The following NECTIN3 variants were observed in gnomAD, a reference collection of about 807,000 sequenced individuals.
NECTIN3 encodes nectin-3.
A neutral mutation model predicts 49.4 loss-of-function variants in NECTIN3; 8 were observed. That is an observed-to-expected ratio of 0.16 (90% CI 0.10 to 0.29). The LOEUF (loss-of-function observed/expected upper bound fraction) is 0.29, where lower values mean the gene tolerates loss of function less well. NECTIN3 is among the 10% of genes least tolerant of loss of function. NECTIN3 has a pLI of 1.00. For synonymous variants in NECTIN3, 277 were observed against 241.1 expected (o/e 1.15, Z -1.38); for missense variants, 581 against 654.6 (o/e 0.89, Z 1.23).
chr3:111,154,330 C>T (rs2035057274), intron 7 of NECTIN3, among the ~76,000 whole-genome samples: 1 of 152,120 alleles, frequency 6.6e-6, no homozygotes, highest in Non-Finnish European at 1.5e-5. Context: ...GAGATTCATT[C>T]ATGTTGTGTT....
intron 3 of NECTIN3, among the ~76,000 whole-genome samples, chr3:111,121,419 T>C (rs1486109972): frequency 3.9e-5 from 6 of 152,194 alleles, no homozygotes; most frequent in Non-Finnish European, 8.8e-5. Flanking sequence ...TGGAAGTATA[T>C]ATTTATATTG....
chr3:111,136,971 T>C lies in NECTIN3; in HGVS notation c.*2756T>C, dbSNP rs1443064621. 3 of 976,956 alleles carry C rather than the reference T, an allele frequency of 3.1e-6. No homozygotes were observed. In the African/African-American group the frequency reaches 5.3e-5, roughly 17 times the overall value. 60.5% of individuals were successfully genotyped at this position (976,956 alleles called of 1,614,324 possible). A position where few individuals can be genotyped will look rare whatever the true frequency, so the allele number is the denominator to read the frequency against. ...GCCTAGTAGGGTTCTATTTGCTAACTCTAATATTGAGGAAACTATTAAGGT... is the reference window on the plus strand; with the variant it reads ...GCCTAGTAGGGTTCTATTTGCTAACCCTAATATTGAGGAAACTATTAAGGT... On this transcript the variant is annotated 3_prime_UTR_variant, in exon 6 of 6. Coordinates refer to ENST00000485303, the MANE Select transcript of NECTIN3 (RefSeq NM_015480.3).
At position 111,135,245 on chromosome 3, in the gene NECTIN3, A is replaced by C; in HGVS notation, c.*1030A>C. 1 of 969,624 alleles carries C rather than the reference A, an allele frequency of 1.0e-6. No homozygotes were observed. Among genetic ancestry groups the C allele is most frequent in the Non-Finnish European group, 1.2e-6 (1 of 815,888 alleles). The allele number at this position is 969,624 out of a possible 1,614,324, so 60.1% of individuals were successfully genotyped here. On this transcript the variant is annotated 3_prime_UTR_variant, in exon 6 of 6. Coordinates refer to ENST00000485303, the MANE Select transcript of NECTIN3 (RefSeq NM_015480.3). ...TTTTAGAGTAAACTTGGAACTTTGG[A>C]TATAACTAGAAAAAACTAGATTATA... is the stretch of plus-strand genomic sequence containing the variant.
At chr3:111,193,532 C>A in intron 1 of NECTIN3, 1 of 874,412 alleles carries the variant, frequency 1.1e-6, no homozygotes, top group Non-Finnish European at 1.7e-6. Context: ...AAGCCAATAG[C>A]AAATTTCTTT....
intron 7 of NECTIN3, among the ~76,000 whole-genome samples, chr3:111,151,595 G>A (rs2107513108): frequency 6.6e-6 from 1 of 151,870 alleles, no homozygotes; most frequent in Middle Eastern, 3.4e-3. Context: ...TAGCCTTTTA[G>A]CATAAGAAAA....
At chr3:111,129,308 A>G (rs1351775666) in intron 5 of NECTIN3, among the ~76,000 whole-genome samples, 1 of 152,068 alleles carries the variant, frequency 6.6e-6, no homozygotes, top group Non-Finnish European at 1.5e-5. Flanking sequence ...ACGTATTGCC[A>G]TGTAACCCCA....
chr3:111,147,624 A>T (rs116624035), intron 7 of NECTIN3: 1,125 of 741,484 alleles, frequency 1.5e-3, no homozygotes, highest in Non-Finnish European at 2.2e-3. Context: ...AATGTTGTTT[A>T]GTCATTATGC....
Position 111,136,546 on chromosome 3 carries a change from A to C in NECTIN3, c.*2331A>C, listed in dbSNP as rs2034582223. ...TGTTGTTTATTAGAACTTTATGTATATTTACTGTACATAGAGACTTGTTTG... is the reference window on the plus strand; with the variant it reads ...TGTTGTTTATTAGAACTTTATGTATCTTTACTGTACATAGAGACTTGTTTG... On this transcript the variant is annotated 3_prime_UTR_variant, in exon 6 of 6. Coordinates refer to ENST00000485303, the MANE Select transcript of NECTIN3 (RefSeq NM_015480.3). The C allele has an allele frequency of 1.0e-6, 1 of 957,586 alleles. No homozygotes were observed. Among genetic ancestry groups the C allele is most frequent in the East Asian group, 1.2e-4 (1 of 8,674 alleles). The allele number at this position is 957,586 out of a possible 1,614,324, so 59.3% of individuals were successfully genotyped here. A position where few individuals can be genotyped will look rare whatever the true frequency, so the allele number is the denominator to read the frequency against.
chr3:111,140,616 C>T (rs941196332), downstream of NECTIN3, among the ~76,000 whole-genome samples: 3 of 151,780 alleles, frequency 2.0e-5, no homozygotes, highest in African/African-American at 7.3e-5. Context: ...TAGTTATTTA[C>T]CTGTTACATG....
chr3:111,107,054 C>T (rs931993639), intron 1 of NECTIN3, among the ~76,000 whole-genome samples: 6 of 152,022 alleles, frequency 3.9e-5, no homozygotes, highest in Non-Finnish European at 8.8e-5. Context: ...GGAATGGTTG[C>T]AATTTTATTC....
intron 5 of NECTIN3, among the ~76,000 whole-genome samples, chr3:111,129,346 T>C (rs1044630827): frequency 1.3e-5 from 2 of 152,184 alleles, no homozygotes; most frequent in African/African-American, 4.8e-5. Flanking sequence ...ATGTAAAATA[T>C]TTACATATTT....
rs181280240 is a variant in NECTIN3 at position 111,085,567 on chromosome 3, T to C, written c.160+13390T>C. Among the ~76,000 whole-genome samples the C allele has an allele frequency of 1.1e-4, 16 of 152,338 alleles. No homozygotes were observed. The East Asian group carries it at 2.9e-3, about 28-fold the overall frequency. ...TCCAGAAGTCCTTCTCTCATACTCC[T>C]CAGTCACAAATCCTTTTCTCTTAAC... On this transcript the variant is annotated intron_variant, in intron 1 of 5. Transcript: ENST00000485303.
At position 111,133,788 on chromosome 3, in the gene NECTIN3, G is replaced by C; in HGVS notation, c.1223G>C (p.Ser408Thr). ...KDDTIATIIASVVGGALFIVL... is the reference protein window; with the variant it reads ...KDDTIATIIATVVGGALFIVL... ...GACACAATTGCCACGATCATTGCTA[G>C]TGTAGTGGGTGGGGCTCTCTTCATA... is the stretch of plus-strand genomic sequence containing the variant. The change falls in exon 6 of 6, where the codon AGT becomes ACT. Residue 408 changes from serine to threonine, a missense_variant. By Grantham distance (58) the Ser-to-Thr change is moderately conservative (BLOSUM62 1). This residue lies in a region of NECTIN3 where 238 missense variants were observed against 244.9 expected (regional missense o/e 0.97). Transcript: ENST00000485303. 3.1e-6 allele frequency: 5 copies of C among 1,614,022 alleles called. No individual in the cohort carries two copies. Among genetic ancestry groups the C allele is most frequent in the Non-Finnish European group, 4.2e-6 (5 of 1,179,888 alleles).
intron 1 of NECTIN3, among the ~76,000 whole-genome samples, chr3:111,096,168 G>C (rs1178515922): frequency 3.9e-5 from 6 of 152,152 alleles, no homozygotes; most frequent in Non-Finnish European, 8.8e-5. Flanking sequence ...ATGGCGATGA[G>C]GAACCTGTTG....
intron 1 of NECTIN3, among the ~76,000 whole-genome samples, chr3:111,108,006 G>A (rs966331129): frequency 2.6e-5 from 4 of 152,026 alleles, no homozygotes; most frequent in Non-Finnish European, 2.9e-5. Context: ...GTAGTACAAC[G>A]CTTTGGTGAA....
At chr3:111,098,956 A>G (rs1162634291) in intron 1 of NECTIN3, among the ~76,000 whole-genome samples, 1 of 151,938 alleles carries the variant, frequency 6.6e-6, no homozygotes, top group African/African-American at 2.4e-5. Flanking sequence ...ATGAGCAAAC[A>G]AACTTAATTA....
chr3:111,112,588 A>G (rs1005298017), intron 2 of NECTIN3, among the ~76,000 whole-genome samples: 5 of 152,240 alleles, frequency 3.3e-5, no homozygotes, highest in East Asian at 1.9e-4. Context: ...GTAATGCTAC[A>G]TAGTTTTATC....
At chr3:111,097,373 C>T (rs2032649848) in intron 1 of NECTIN3, among the ~76,000 whole-genome samples, 1 of 152,140 alleles carries the variant, frequency 6.6e-6, no homozygotes, top group Non-Finnish European at 1.5e-5. Context: ...CTTGCCTTGT[C>T]TCGAATGAGA....
At chr3:111,155,328 G>T (rs545823911) in intron 7 of NECTIN3, among the ~76,000 whole-genome samples, 1 of 152,206 alleles carries the variant, frequency 6.6e-6, no homozygotes, top group African/African-American at 2.4e-5. Flanking sequence ...GAATGGGGGC[G>T]TGGAGGATCT....
Sources: allele counts gnomAD v4.1 joint callset (sites outside exome capture counted in the v4.1 genomes callset), GRCh38; gene constraint gnomAD v4.1.1; regional missense constraint gnomAD v4.1.1; transcripts MANE v1.5; gene names NCBI Gene and HGNC (gene_info 2026-07-23, HGNC 2026-07-21).